Variants in CDK6 observed in about 807,000 individuals in gnomAD.
CDK6 encodes cyclin dependent kinase 6.
Under a neutral mutation model 37.1 loss-of-function variants are expected in CDK6, and 6 were observed. The ratio of observed to expected loss-of-function variants is 0.16; its 90% CI spans 0.09 to 0.32. The LOEUF (loss-of-function observed/expected upper bound fraction) is 0.32, where lower values mean the gene tolerates loss of function less well. CDK6 is among the 10% of genes least tolerant of loss of function. The pLI, the probability that CDK6 is intolerant of heterozygous loss-of-function variation, is 1.00. For synonymous variants in CDK6, 160 were observed against 161.3 expected (o/e 0.99, Z 0.06); for missense variants, 224 against 418.9 (o/e 0.53, Z 4.06).
chr7:92,607,771 T>C lies in CDK6; in HGVS notation c.*7369A>G, dbSNP rs1201779885. On this transcript the variant is annotated 3_prime_UTR_variant, in exon 8 of 8. Transcript: ENST00000424848. ...CTGTTCCTGGGGGTAGCTGATGCTA[T>C]AAATTCCATGTACTAACTAATATAT... The C allele has an allele frequency of 8.6e-6, 2 of 232,800 alleles. No individual in the cohort carries two copies. The highest frequency in any genetic ancestry group is 2.2e-5 in the African/African-American group (1 of 45,318). The allele number at this position is 232,800 out of a possible 1,614,324, so 14.4% of individuals were successfully genotyped here.
chr7:92,796,336 G>A (rs1800411682), intron 2 of CDK6, among the ~76,000 whole-genome samples: 1 of 152,050 alleles, frequency 6.6e-6, no homozygotes, highest in African/African-American at 2.4e-5. Context: ...GTAGCTCTAT[G>A]AGATCATAGT....
At chr7:92,689,928 T>C (rs1797563641) in intron 4 of CDK6, among the ~76,000 whole-genome samples, 1 of 152,242 alleles carries the variant, frequency 6.6e-6, no homozygotes, top group African/African-American at 2.4e-5. Context: ...GTACGTCTTC[T>C]TTTGAAAAGT....
At chr7:92,630,430 A>G (rs931962245) in intron 5 of CDK6, among the ~76,000 whole-genome samples, 13 of 152,128 alleles carry the variant, frequency 8.5e-5, no homozygotes, top group African/African-American at 3.1e-4. Flanking sequence ...CTAATGCATT[A>G]TTGCATTTTA....
chr7:92,793,913 G>A (rs550853400), intron 2 of CDK6, among the ~76,000 whole-genome samples: 1 of 152,136 alleles, frequency 6.6e-6, no homozygotes, highest in Admixed American at 6.5e-5. Context: ...CTTTGAGGGA[G>A]AATGAAAAGG....
At chr7:92,757,523 A>C (rs1387048463) in intron 3 of CDK6, among the ~76,000 whole-genome samples, 1 of 152,190 alleles carries the variant, frequency 6.6e-6, no homozygotes, top group Non-Finnish European at 1.5e-5. Flanking sequence ...CATGGTGTAT[A>C]TGTACCACAT....
At chr7:92,641,386 G>C (rs1796301908) in intron 5 of CDK6, among the ~76,000 whole-genome samples, 1 of 152,030 alleles carries the variant, frequency 6.6e-6, no homozygotes, top group African/African-American at 2.4e-5. Flanking sequence ...TTATTCAGGA[G>C]GTTATAATCC....
intron 3 of CDK6, among the ~76,000 whole-genome samples, chr7:92,751,477 A>C (rs552594104): frequency 6.6e-6 from 1 of 152,284 alleles, no homozygotes; most frequent in Admixed American, 6.5e-5. Context: ...ACTGGAGACT[A>C]TCCTAATTCA....
At chr7:92,671,765 AT>A (rs1447138541) in intron 4 of CDK6, among the ~76,000 whole-genome samples, 1 of 152,204 alleles carries the variant, frequency 6.6e-6, no homozygotes, top group Admixed American at 6.5e-5. Flanking sequence ...TCTAACTAGG[AT>A]GGCATAATAA....
intron 3 of CDK6, among the ~76,000 whole-genome samples, chr7:92,770,803 T>C (rs184468530): frequency 2.9e-4 from 44 of 152,252 alleles, no homozygotes; most frequent in Admixed American, 1.9e-3. Context: ...TATCCTGAGT[T>C]TCAGTGGCCT....
chr7:92,615,392 A>T (rs1001317022), intron 7 of CDK6, 106 bp from the exon 8 acceptor site: 2 of 821,116 alleles, frequency 2.4e-6, no homozygotes, highest in African/African-American at 1.7e-5. Flanking sequence ...GCGCATCTAC[A>T]GTGGGAATGA....
intron 2 of CDK6, among the ~76,000 whole-genome samples, chr7:92,808,655 C>T (rs1469891751): frequency 3.3e-5 from 5 of 152,168 alleles, no homozygotes; most frequent in Non-Finnish European, 7.3e-5. Context: ...CTGAGCCCTT[C>T]TGAAAATTGT....
At chr7:92,807,802 C>T (rs1800766676) in intron 2 of CDK6, among the ~76,000 whole-genome samples, 1 of 152,024 alleles carries the variant, frequency 6.6e-6, no homozygotes, top group South Asian at 2.1e-4. Flanking sequence ...ACGGTATAAC[C>T]AAGCGAAAAT....
At chr7:92,773,201 A>G (rs1799760636) in intron 3 of CDK6, among the ~76,000 whole-genome samples, 1 of 152,248 alleles carries the variant, frequency 6.6e-6, no homozygotes, top group African/African-American at 2.4e-5. Context: ...AAAAATCCCA[A>G]TTAAAGGCAG....
At chr7:92,735,964 T>G (rs1323661684) in intron 3 of CDK6, among the ~76,000 whole-genome samples, 1 of 152,150 alleles carries the variant, frequency 6.6e-6, no homozygotes, top group Admixed American at 6.5e-5. Flanking sequence ...GTGAGTCACT[T>G]AGACATGAGA....
At chr7:92,804,846 G>A (rs907501380) in intron 2 of CDK6, among the ~76,000 whole-genome samples, 4 of 152,144 alleles carry the variant, frequency 2.6e-5, no homozygotes, top group South Asian at 2.1e-4. Flanking sequence ...AAACTCTACC[G>A]CCCCAGTTGT....
chr7:92,736,614 T>C (rs1488631864), intron 3 of CDK6, among the ~76,000 whole-genome samples: 3 of 152,178 alleles, frequency 2.0e-5, no homozygotes, highest in African/African-American at 7.2e-5. Flanking sequence ...ACACCAGCTA[T>C]AGCTCCAGCA....
chr7:92,672,704 T>A lies in CDK6; in HGVS notation c.538-1169A>T, dbSNP rs545836854. 5.5e-4 allele frequency among the ~76,000 whole-genome samples: 83 copies of A among 152,272 alleles called. 1 individual carries two copies. The highest frequency in any genetic ancestry group is 3.7e-3 in the South Asian group (18 of 4,824). On this transcript the variant is annotated intron_variant, in intron 4 of 7. Transcript: ENST00000424848. Reference sequence around the variant, plus strand: ...TCAGATAAGGAATTCAGAATATAAATCTATTACGTCAGAATTTTATATTAT... The same window carrying A: ...TCAGATAAGGAATTCAGAATATAAAACTATTACGTCAGAATTTTATATTAT...
At position 92,608,546 on chromosome 7, in the gene CDK6, T is replaced by A; in HGVS notation, c.*6594A>T. ...TTCCTGCAATTATACATCTTTTCTTTAAAAAAACAAAAACAAAAACAAAAA... is the reference window on the plus strand; with the variant it reads ...TTCCTGCAATTATACATCTTTTCTTAAAAAAAACAAAAACAAAAACAAAAA... On this transcript the variant is annotated 3_prime_UTR_variant, in exon 8 of 8. Transcript: ENST00000424848. 4.3e-6 allele frequency: 1 copy of A among 231,918 alleles called. No homozygotes were observed. Among genetic ancestry groups the A allele is most frequent in the East Asian group, 6.1e-5 (1 of 16,412 alleles). The allele number at this position is 231,918 out of a possible 1,614,324, so 14.4% of individuals were successfully genotyped here. A position where few individuals can be genotyped will look rare whatever the true frequency, so the allele number is the denominator to read the frequency against.
intron 2 of CDK6, among the ~76,000 whole-genome samples, chr7:92,788,104 C>A (rs1800190670): frequency 6.6e-6 from 1 of 152,094 alleles, no homozygotes; most frequent in Admixed American, 6.5e-5. Flanking sequence ...AACTTCTAAA[C>A]TTAAGGATCT....
Sources: gnomAD v4.1 joint callset for allele counts (sites outside exome capture counted in the v4.1 genomes callset) on GRCh38, gnomAD v4.1.1 for gene constraint, MANE v1.5 for transcripts, NCBI Gene and HGNC (gene_info 2026-07-23, HGNC 2026-07-21) for gene names.